The following PIGK variants were observed in gnomAD, a reference collection of about 807,000 sequenced individuals.
PIGK encodes the protein GPI-anchor transamidase.
Under a neutral mutation model 50.6 loss-of-function variants are expected in PIGK, and 42 were observed. That is an observed-to-expected ratio of 0.83 (90% CI 0.65 to 1.07). The LOEUF is 1.07. Ranked by LOEUF, PIGK falls within the 50% of genes least tolerant of loss-of-function variation. The probability of loss-of-function intolerance (pLI) is 0.00; values close to 1 mark genes in which losing one functional copy is unlikely to be tolerated. For synonymous variants in PIGK, 151 were observed against 156.0 expected (o/e 0.97, Z 0.24); for missense variants, 448 against 488.7 (o/e 0.92, Z 0.78).
intron 9 of PIGK, among the ~76,000 whole-genome samples, chr1:77,126,873 G>A (rs891127708): frequency 3.3e-5 from 5 of 151,972 alleles, no homozygotes; most frequent in Admixed American, 3.3e-4. Flanking sequence ...TTAACATTTT[G>A]AGTCATTTCA....
chr1:77,123,975 A>C (rs1448047726), intron 9 of PIGK, among the ~76,000 whole-genome samples: 3 of 151,850 alleles, frequency 2.0e-5, no homozygotes, highest in Non-Finnish European at 1.5e-5. Context: ...GTATCTTTAT[A>C]AGAGGAGGAG....
chr1:77,150,487 C>A, intron 9 of PIGK, among the ~76,000 whole-genome samples: 2 of 135,612 alleles, frequency 1.5e-5, no homozygotes. Context: ...AAGACTCAAT[C>A]TCAAAAAAAA....
chr1:77,170,723 T>A (rs1316370097), intron 3 of PIGK, among the ~76,000 whole-genome samples: 2 of 152,238 alleles, frequency 1.3e-5, no homozygotes, highest in Non-Finnish European at 2.9e-5. Flanking sequence ...TCATCTTCAC[T>A]CTACCATTAA....
chr1:77,147,718 T>C (rs533746140), intron 9 of PIGK, among the ~76,000 whole-genome samples: 1 of 152,364 alleles, frequency 6.6e-6, no homozygotes, highest in East Asian at 1.9e-4. Context: ...AGCCTATGTA[T>C]ACTACGATGA....
chr1:77,200,627 A>C (rs956688967), intron 3 of PIGK, among the ~76,000 whole-genome samples: 3 of 152,172 alleles, frequency 2.0e-5, no homozygotes, highest in African/African-American at 4.8e-5. Context: ...AAATCAGACA[A>C]TGTATATTAA....
intron 9 of PIGK, among the ~76,000 whole-genome samples, chr1:77,135,564 T>C (rs1570211381): frequency 6.6e-6 from 1 of 152,078 alleles, no homozygotes; most frequent in African/African-American, 2.4e-5. Flanking sequence ...AGTATTGTTA[T>C]AAACTATTAT....
intron 10 of PIGK, among the ~76,000 whole-genome samples, chr1:77,095,285 C>G (rs1463564463): frequency 6.6e-6 from 1 of 152,178 alleles, no homozygotes; most frequent in East Asian, 1.9e-4. Flanking sequence ...AAATCTCTGA[C>G]AGTTTCCCAG....
intron 3 of PIGK, among the ~76,000 whole-genome samples, chr1:77,189,730 TATATATATATATATATATACACACAC>T (rs1252256926): frequency 5.9e-4 from 21 of 35,582 alleles, no homozygotes; most frequent in African/African-American, 2.7e-3. Context: ...TATATATATA[TATATATATATATATATATACACACAC>T]ACACACACAC....
chr1:77,184,308 A>G (rs1655691631), intron 3 of PIGK, among the ~76,000 whole-genome samples: 2 of 152,138 alleles, frequency 1.3e-5, no homozygotes, highest in African/African-American at 4.8e-5. Flanking sequence ...ACTGATTTGA[A>G]TTACAAAAAC....
intron 10 of PIGK, among the ~76,000 whole-genome samples, chr1:77,118,755 T>C (rs1329757101): frequency 1.3e-5 from 2 of 152,214 alleles, no homozygotes; most frequent in Non-Finnish European, 1.5e-5. Context: ...ATCTGTGATG[T>C]CACCTTTATC....
chr1:77,101,398 G>A (rs976983092), intron 10 of PIGK, among the ~76,000 whole-genome samples: 2 of 152,112 alleles, frequency 1.3e-5, no homozygotes, highest in Non-Finnish European at 2.9e-5. Flanking sequence ...GGGCACTGGT[G>A]ATATTTGGTT....
chr1:77,213,028 G>A (rs143134758), intron 1 of PIGK, among the ~76,000 whole-genome samples: 22 of 152,232 alleles, frequency 1.4e-4, no homozygotes, highest in Middle Eastern at 3.4e-3. Context: ...AGATTCAAGC[G>A]ATTCTCCTGC....
intron 10 of PIGK, among the ~76,000 whole-genome samples, chr1:77,110,161 A>G (rs1653802925): frequency 6.6e-6 from 1 of 152,238 alleles, no homozygotes; most frequent in Admixed American, 6.5e-5. Context: ...GGAAGAATCA[A>G]TATCGAGAAA....
intron 9 of PIGK, among the ~76,000 whole-genome samples, chr1:77,146,421 G>A (rs1173247083): frequency 6.6e-6 from 1 of 152,064 alleles, no homozygotes; most frequent in Non-Finnish European, 1.5e-5. Flanking sequence ...CAGTGCTTTG[G>A]GAGACACAAG....
intron 9 of PIGK, among the ~76,000 whole-genome samples, chr1:77,141,553 C>A (rs1201900685): frequency 6.6e-6 from 1 of 152,006 alleles, no homozygotes. Flanking sequence ...TTGAGTATAA[C>A]AAGAACTTTG....
At chr1:77,149,574 C>G (rs532731073) in intron 9 of PIGK, among the ~76,000 whole-genome samples, 26 of 151,832 alleles carry the variant, frequency 1.7e-4, no homozygotes, top group Non-Finnish European at 1.5e-5. Context: ...ATGTATATAC[C>G]CATTGCAGTA....
intron 8 of PIGK, among the ~76,000 whole-genome samples, chr1:77,156,015 C>T (rs1202822328): frequency 3.3e-5 from 5 of 152,074 alleles, no homozygotes; most frequent in African/African-American, 9.7e-5. Context: ...GCCAGCAATC[C>T]TTGTCATCCC....
intron 9 of PIGK, among the ~76,000 whole-genome samples, chr1:77,136,612 T>C (rs1452241748): frequency 6.6e-6 from 1 of 152,256 alleles, no homozygotes; most frequent in South Asian, 2.1e-4. Context: ...ATTTTTCTCT[T>C]TGACTGATTT....
In PIGK at chr1:77,090,599, T is replaced by G. The variant is rs908594875; in HGVS notation, c.*1775A>C. ...AGGGTATGTTTCATTATATTCAAAC[T>G]AAATTACTTTGGCTCAAGAACAATC... is the stretch of plus-strand genomic sequence containing the variant. On this transcript the variant is annotated 3_prime_UTR_variant, in exon 11 of 11. Coordinates refer to ENST00000370812, the MANE Select transcript of PIGK (RefSeq NM_005482.3). 3.3e-5 allele frequency: 5 copies of G among 152,244 alleles called. No individual in the cohort carries two copies. The highest frequency in any genetic ancestry group is 7.3e-5 in the Non-Finnish European group (5 of 68,048). The allele number at this position is 152,244 out of a possible 1,614,324, so 9.4% of individuals were successfully genotyped here. A position where few individuals can be genotyped will look rare whatever the true frequency, so the allele number is the denominator to read the frequency against.
Sources: allele counts gnomAD v4.1 joint callset (sites outside exome capture counted in the v4.1 genomes callset), GRCh38; gene constraint gnomAD v4.1.1; transcripts MANE v1.5; gene names NCBI Gene and HGNC (gene_info 2026-07-23, HGNC 2026-07-21).